Variants in TNFSF4 observed in about 807,000 individuals in gnomAD.
TNFSF4 encodes tumor necrosis factor ligand superfamily member 4.
A neutral mutation model predicts 7.3 loss-of-function variants in TNFSF4; 4 were observed. The ratio of observed to expected loss-of-function variants is 0.55; its 90% CI spans 0.27 to 1.25. The LOEUF (loss-of-function observed/expected upper bound fraction) is 1.25, where lower values mean the gene tolerates loss of function less well. Ranked by LOEUF, TNFSF4 falls within the 50% of genes most tolerant of loss-of-function variation. The pLI, the probability that TNFSF4 is intolerant of heterozygous loss-of-function variation, is 0.12. For synonymous variants in TNFSF4, 76 were observed against 83.7 expected (o/e 0.91, Z 0.50); for missense variants, 181 against 208.8 (o/e 0.87, Z 0.82).
the TNFSF4 span, among the ~76,000 whole-genome samples, chr1:173,241,714 G>A: frequency 6.6e-6 from 1 of 152,232 alleles, no homozygotes; most frequent in South Asian, 2.1e-4. Flanking sequence ...GGACAACAGA[G>A]TGAGCCAGCA....
the TNFSF4 span, among the ~76,000 whole-genome samples, chr1:173,374,610 G>A: frequency 6.6e-6 from 1 of 152,134 alleles, no homozygotes; most frequent in Non-Finnish European, 1.5e-5. Context: ...AGCTGATTCT[G>A]AGGAAAAACC....
chr1:173,420,969 T>C, the TNFSF4 span, among the ~76,000 whole-genome samples: 1 of 152,232 alleles, frequency 6.6e-6, no homozygotes, highest in African/African-American at 2.4e-5. Flanking sequence ...TGTTTTTTAC[T>C]ATGCACCAGT....
At chr1:173,241,546 GCA>G in the TNFSF4 span, among the ~76,000 whole-genome samples, 2 of 152,202 alleles carry the variant, frequency 1.3e-5, no homozygotes, top group African/African-American at 4.8e-5. Context: ...TCTATTCACA[GCA>G]TTAGTAAAGG....
the TNFSF4 span, among the ~76,000 whole-genome samples, chr1:173,281,604 C>T: frequency 6.6e-6 from 1 of 152,018 alleles, no homozygotes; most frequent in Non-Finnish European, 1.5e-5. Context: ...CATAAGAAAG[C>T]TATAATGGCT....
chr1:173,313,513 C>A, the TNFSF4 span, among the ~76,000 whole-genome samples: 2 of 152,008 alleles, frequency 1.3e-5, no homozygotes, highest in Non-Finnish European at 2.9e-5. Context: ...TATATTTTAT[C>A]ATCTCTCATA....
the TNFSF4 span, among the ~76,000 whole-genome samples, chr1:173,253,063 A>G: frequency 6.6e-6 from 1 of 152,162 alleles, no homozygotes; most frequent in African/African-American, 2.4e-5. Context: ...ACTCTGTCTT[A>G]CCAGAATTTT....
At chr1:173,265,089 T>C in the TNFSF4 span, among the ~76,000 whole-genome samples, 6 of 152,200 alleles carry the variant, frequency 3.9e-5, no homozygotes, top group Non-Finnish European at 8.8e-5. Flanking sequence ...ACTTCTCTAA[T>C]ACCAATATTT....
chr1:173,302,825 A>G, the TNFSF4 span, among the ~76,000 whole-genome samples: 1 of 151,866 alleles, frequency 6.6e-6, no homozygotes, highest in African/African-American at 2.4e-5. Context: ...GCTATGAGGA[A>G]TAATTTAATA....
At chr1:173,294,869 T>G in the TNFSF4 span, among the ~76,000 whole-genome samples, 2 of 152,034 alleles carry the variant, frequency 1.3e-5, no homozygotes, top group African/African-American at 4.8e-5. Context: ...GAAAAAACTT[T>G]TATTCAGAAT....
the TNFSF4 span, among the ~76,000 whole-genome samples, chr1:173,421,914 G>A: frequency 6.6e-6 from 1 of 152,152 alleles, no homozygotes; most frequent in Non-Finnish European, 1.5e-5. Flanking sequence ...ACTTTTTGTT[G>A]TTGGTTTTTT....
the TNFSF4 span, chr1:173,362,491 G>T: frequency 1.9e-6 from 1 of 540,262 alleles, no homozygotes; most frequent in Non-Finnish European, 3.7e-6. Context: ...CTCCAGCTGG[G>T]CTTGGTATTT....
chr1:173,216,167 A>C, the TNFSF4 span, among the ~76,000 whole-genome samples: 2 of 152,126 alleles, frequency 1.3e-5, no homozygotes, highest in Admixed American at 1.3e-4. Context: ...TAAAACATAC[A>C]TGAGTTTTGG....
chr1:173,377,453 A>G, the TNFSF4 span, among the ~76,000 whole-genome samples: 1 of 152,174 alleles, frequency 6.6e-6, no homozygotes, highest in Non-Finnish European at 1.5e-5. Flanking sequence ...TGGGGTCCCG[A>G]CAACAAGTTG....
the TNFSF4 span, among the ~76,000 whole-genome samples, chr1:173,435,652 T>C: frequency 1.3e-5 from 2 of 152,386 alleles, no homozygotes; most frequent in African/African-American, 2.4e-5. Context: ...TGGTATTTTG[T>C]TATGGCAGCC....
At chr1:173,383,681 G>A in the TNFSF4 span, among the ~76,000 whole-genome samples, 1 of 150,670 alleles carries the variant, frequency 6.6e-6, no homozygotes, top group Non-Finnish European at 1.5e-5. Context: ...TAATCATACT[G>A]TAGATTTTTT....
chr1:173,322,841 G>A, the TNFSF4 span, among the ~76,000 whole-genome samples: 1 of 152,148 alleles, frequency 6.6e-6, no homozygotes, highest in African/African-American at 2.4e-5. Flanking sequence ...GCTTGGGGAG[G>A]GGCGCCCACC....
At chr1:173,401,439 G>T in the TNFSF4 span, among the ~76,000 whole-genome samples, 1 of 152,130 alleles carries the variant, frequency 6.6e-6, no homozygotes, top group Non-Finnish European at 1.5e-5. Context: ...AGATGAAATG[G>T]GTGTTTGGAT....
the TNFSF4 span, among the ~76,000 whole-genome samples, chr1:173,250,819 T>A: frequency 1.3e-5 from 2 of 152,170 alleles, no homozygotes; most frequent in Non-Finnish European, 2.9e-5. Context: ...GGGAGAGAAG[T>A]AGTATGAGAT....
At chr1:173,240,429 T>C in the TNFSF4 span, among the ~76,000 whole-genome samples, 88 of 152,338 alleles carry the variant, frequency 5.8e-4, 2 homozygotes, top group South Asian at 0.018. Flanking sequence ...TCAATTTAAA[T>C]AAAAGCAATT....
Sources: allele counts gnomAD v4.1 joint callset (sites outside exome capture counted in the v4.1 genomes callset), GRCh38; gene constraint gnomAD v4.1.1; transcripts MANE v1.5; gene names NCBI Gene and HGNC (gene_info 2026-07-23, HGNC 2026-07-21).